Variants in RBPJ observed in about 807,000 individuals in gnomAD.
RBPJ encodes the protein recombination signal binding protein for immunoglobulin kappa J region, also known as recombining binding protein suppressor of hairless.
In RBPJ, 9 loss-of-function variants were observed where a neutral mutation model predicts 67.8. That is an observed-to-expected ratio of 0.13 (90% CI 0.08 to 0.23). The LOEUF (loss-of-function observed/expected upper bound fraction) is 0.23. Ranked by LOEUF, RBPJ falls within the 10% of genes least tolerant of loss-of-function variation. RBPJ has a pLI of 1.00. For missense variants in RBPJ, 305 were observed against 595.6 expected, an observed-to-expected ratio of 0.51 and a Z score of 5.08; for synonymous variants, 198 against 203.3, an observed-to-expected ratio of 0.97 and a Z score of 0.22.
intron 5 of RBPJ, among the ~76,000 whole-genome samples, chr4:26,421,634 T>A (rs1735146820): frequency 1.3e-5 from 2 of 152,010 alleles, no homozygotes; most frequent in Admixed American, 1.3e-4. Context: ...AAGGGAGAAA[T>A]TAGCCACCCA....
intron 1 of RBPJ, among the ~76,000 whole-genome samples, chr4:26,259,725 GTC>G (rs1344635159): frequency 6.6e-6 from 1 of 152,194 alleles, no homozygotes; most frequent in Non-Finnish European, 1.5e-5. Flanking sequence ...GTTGGCTATT[GTC>G]TCTGCTGTTA....
chr4:26,140,001 A>T, the RBPJ span, among the ~76,000 whole-genome samples: 1 of 152,086 alleles, frequency 6.6e-6, no homozygotes, highest in East Asian at 1.9e-4. Context: ...CTGCCTTAGA[A>T]CCCAGCCCCA....
At chr4:26,403,692 A>G (rs1046964294) in intron 2 of RBPJ, among the ~76,000 whole-genome samples, 4 of 152,078 alleles carry the variant, frequency 2.6e-5, no homozygotes, top group South Asian at 2.1e-4. Context: ...AGCTTCATTT[A>G]TGTTCCCACA....
At chr4:26,342,265 C>CAAAAAA in intron 1 of RBPJ, among the ~76,000 whole-genome samples, 1 of 114,120 alleles carries the variant, frequency 8.8e-6, no homozygotes, top group Non-Finnish European at 1.8e-5. Context: ...CCTGGGTTAT[C>CAAAAAA]AAAAAAAAAA....
chr4:26,294,817 A>C (rs533282711), intron 1 of RBPJ, among the ~76,000 whole-genome samples: 9 of 151,894 alleles, frequency 5.9e-5, no homozygotes, highest in African/African-American at 2.2e-4. Context: ...TGAAGGTTGC[A>C]GTGAGCTGAG....
chr4:26,185,048 A>T (rs907599866), intron 1 of RBPJ, among the ~76,000 whole-genome samples: 13 of 152,040 alleles, frequency 8.6e-5, no homozygotes, highest in African/African-American at 3.1e-4. Flanking sequence ...AGGCTGAGGC[A>T]GGAGAATCAC....
At chr4:26,195,681 G>A (rs1030575855) in intron 1 of RBPJ, among the ~76,000 whole-genome samples, 8 of 151,948 alleles carry the variant, frequency 5.3e-5, no homozygotes, top group Admixed American at 6.6e-5. Context: ...TGCAACCTCC[G>A]CCTCCCAGGT....
Position 26,210,700 on chromosome 4 carries a change from T to TTTCTTTCTTTCTTTCCTTCCTTCTTTCC in RBPJ, c.-167+47093_-167+47094insTTTCTTTCCTTCCTTCTTTCCTTCTTTC, listed in dbSNP as rs1348512062. ...TTTCTTTCTTTCCTTTCTTTCTTTC[T>TTTCTTTCTTTCTTTCCTTCCTTCTTTCC]TTCTTTCCTTCTTTCCTTCTTTCTT... On this transcript the variant is annotated intron_variant, in intron 1 of 4. Transcript: ENST00000512351. Among the ~76,000 whole-genome samples, 4 of 59,928 alleles carry TTTCTTTCTTTCTTTCCTTCCTTCTTTCC rather than the reference T, an allele frequency of 6.7e-5. No individual in the cohort carries two copies. The East Asian group carries it at 2.1e-3, about 32-fold the overall frequency. 39.3% of individuals were successfully genotyped at this position (59,928 alleles called of 152,430 possible).
chr4:26,162,228 G>T (rs1577421137), upstream of RBPJ, among the ~76,000 whole-genome samples: 1 of 152,224 alleles, frequency 6.6e-6, no homozygotes, highest in Admixed American at 6.5e-5. Flanking sequence ...GGAACACAGG[G>T]TGGTCACAGA....
At chr4:26,370,617 C>A (rs969537167) in intron 1 of RBPJ, among the ~76,000 whole-genome samples, 1 of 152,122 alleles carries the variant, frequency 6.6e-6, no homozygotes, top group African/African-American at 2.4e-5. Flanking sequence ...ATTATCACTT[C>A]CTTGAAGTGG....
At chr4:26,282,862 T>A in intron 1 of RBPJ, among the ~76,000 whole-genome samples, 1 of 147,978 alleles carries the variant, frequency 6.8e-6, no homozygotes, top group African/African-American at 2.5e-5. Flanking sequence ...TATATAATAA[T>A]AAAAGGAAAT....
chr4:26,147,754 G>A, the RBPJ span, among the ~76,000 whole-genome samples: 3 of 152,132 alleles, frequency 2.0e-5, no homozygotes. Flanking sequence ...AAAAAGTACT[G>A]GGAGGTCAGA....
At chr4:26,226,862 T>C (rs1478858479) in intron 1 of RBPJ, among the ~76,000 whole-genome samples, 1 of 152,198 alleles carries the variant, frequency 6.6e-6, no homozygotes, top group Non-Finnish European at 1.5e-5. Context: ...ATGAGAAGAC[T>C]AGGCTGAACA....
intron 1 of RBPJ, among the ~76,000 whole-genome samples, chr4:26,344,527 G>A (rs1248060669): frequency 1.3e-5 from 2 of 152,162 alleles, no homozygotes; most frequent in African/African-American, 4.8e-5. Context: ...GAGCCACCGC[G>A]CCCGGCTGCT....
chr4:26,243,978 C>A lies in RBPJ; in HGVS notation c.-167+80364C>A, dbSNP rs1011760138. Among the ~76,000 whole-genome samples the A allele has an allele frequency of 2.0e-5, 3 of 151,636 alleles. No individual in the cohort carries two copies. The East Asian group carries it at 5.9e-4, about 30-fold the overall frequency. ...GGTGTGATCGTGCTTACCTGTAGTT[C>A]CAGCTACTAAGGAGGCTGAAGTGGG... is the stretch of plus-strand genomic sequence containing the variant. On this transcript the variant is annotated intron_variant, in intron 1 of 4. Transcript: ENST00000512351.
At chr4:26,130,709 C>T in the RBPJ span, among the ~76,000 whole-genome samples, 2 of 152,144 alleles carry the variant, frequency 1.3e-5, no homozygotes, top group Non-Finnish European at 2.9e-5. Context: ...TCTGTGCACT[C>T]CTTTACCACC....
At chr4:26,415,937 G>T (rs1734543370) in intron 4 of RBPJ, among the ~76,000 whole-genome samples, 1 of 152,082 alleles carries the variant, frequency 6.6e-6, no homozygotes, top group African/African-American at 2.4e-5. Flanking sequence ...GAGGCTGATT[G>T]CTCATCTTCT....
At position 26,301,065 on chromosome 4, in the gene RBPJ, C is replaced by T. The variant is rs186673082; in HGVS notation, c.-166-61381C>T. Among the ~76,000 whole-genome samples the T allele has an allele frequency of 2.6e-5, 4 of 152,300 alleles. No homozygotes were observed. The East Asian group carries it at 7.7e-4, about 29-fold the overall frequency. On this transcript the variant is annotated intron_variant, in intron 1 of 4. Transcript: ENST00000512351. ...AAACATCCAAACAGGGAGGGGACTG[C>T]TGATCCAATGACTACTTTGTGCCAG... is the stretch of plus-strand genomic sequence containing the variant.
chr4:26,173,091 G>T (rs1716653033), intron 1 of RBPJ, among the ~76,000 whole-genome samples: 1 of 152,176 alleles, frequency 6.6e-6, no homozygotes, highest in African/African-American at 2.4e-5. Flanking sequence ...ATTTGGAAAA[G>T]AACTGGGGTA....
Sources: allele counts gnomAD v4.1 joint callset (sites outside exome capture counted in the v4.1 genomes callset), GRCh38; gene constraint gnomAD v4.1.1; transcripts MANE v1.5; gene names NCBI Gene and HGNC (gene_info 2026-07-23, HGNC 2026-07-21).